Variants in HMCN1 observed in about 807,000 individuals in gnomAD.
HMCN1 encodes hemicentin-1.
In HMCN1, 321 loss-of-function variants were observed where a neutral mutation model predicts 625.9. The observed-to-expected ratio is 0.51, with a 90% CI of 0.47 to 0.56. The LOEUF is 0.56. Ranked by LOEUF, HMCN1 falls within the 20% of genes least tolerant of loss-of-function variation. The probability of loss-of-function intolerance (pLI) is 0.00; values close to 1 mark genes in which losing one functional copy is unlikely to be tolerated. For synonymous variants in HMCN1, 2,425 were observed against 2,417.6 expected, an observed-to-expected ratio of 1.00 and a Z score of -0.09; for missense variants, 6,588 against 6,887.3, an observed-to-expected ratio of 0.96 and a Z score of 1.54.
intron 6 of HMCN1, among the ~76,000 whole-genome samples, chr1:185,916,319 T>A (rs377622878): frequency 6.6e-6 from 1 of 152,170 alleles, no homozygotes; most frequent in South Asian, 2.1e-4. Context: ...CGACATCTAT[T>A]TGAATTCAAG....
rs767886331 is a variant in HMCN1, at chr1:186,174,557, C to A, written c.15858C>A (p.Asn5286Lys). The change falls in exon 103 of 107, where the codon AAC becomes AAA. Residue 5286 changes from asparagine to lysine, a missense_variant. By Grantham distance (94) the Asn-to-Lys change is moderately conservative. Around this residue, in one of 3 missense-constraint regions of HMCN1, gnomAD observed 1,954 missense variants for 2,013.1 expected, o/e 0.97. Coordinates refer to ENST00000271588, the MANE Select transcript of HMCN1 (RefSeq NM_031935.3). Reference sequence around the variant, plus strand: ...ATGGGACCCATCAGTGCAGATATAACCAGATATGTGAGAATACAAGAGGCA... The same window carrying A: ...ATGGGACCCATCAGTGCAGATATAAACAGATATGTGAGAATACAAGAGGCA... ...CKDGTHQCRY[N>K]QICENTRGSY... is the part of the protein sequence containing the mutation. The A allele has an allele frequency of 6.2e-7, 1 of 1,613,436 alleles. No homozygotes were observed. Among genetic ancestry groups the A allele is most frequent in the Admixed American group, 1.7e-5 (1 of 60,002 alleles).
intron 1 of HMCN1, among the ~76,000 whole-genome samples, chr1:185,759,236 A>G (rs1170923138): frequency 6.6e-6 from 1 of 152,232 alleles, no homozygotes; most frequent in African/African-American, 2.4e-5. Flanking sequence ...TATATCAGTA[A>G]TATGAGTACA....
At chr1:186,144,066 T>C in intron 89 of HMCN1, 107 bp from the exon 90 acceptor site, 1 of 934,710 alleles carries the variant, frequency 1.1e-6, no homozygotes, top group South Asian at 1.8e-5. Context: ...TCAATTCTCT[T>C]AGATTGGGGA....
intron 11 of HMCN1, among the ~76,000 whole-genome samples, chr1:185,944,689 T>A (rs547934907): frequency 1.6e-4 from 25 of 152,324 alleles, no homozygotes; most frequent in Non-Finnish European, 2.6e-4. Context: ...GAGAGGGAGC[T>A]GTAAATATGC....
At chr1:185,943,672 A>G (rs1668194178) in intron 11 of HMCN1, among the ~76,000 whole-genome samples, 1 of 152,160 alleles carries the variant, frequency 6.6e-6, no homozygotes, top group African/African-American at 2.4e-5. Flanking sequence ...TCTGAAGCCC[A>G]TAGTTTAGTG....
At chr1:185,746,963 C>T (rs981766520) in intron 1 of HMCN1, among the ~76,000 whole-genome samples, 1 of 152,264 alleles carries the variant, frequency 6.6e-6, no homozygotes, top group Admixed American at 6.5e-5. Flanking sequence ...CCACGATACT[C>T]CAATGTGGTC....
At chr1:185,754,451 A>G (rs1267725869) in intron 1 of HMCN1, among the ~76,000 whole-genome samples, 3 of 152,022 alleles carry the variant, frequency 2.0e-5, no homozygotes, top group Admixed American at 2.0e-4. Flanking sequence ...TTCCAAACAT[A>G]TACGTATTTT....
chr1:186,151,824 A>G, intron 95 of HMCN1, 81 bp downstream of exon 95: 1 of 1,405,916 alleles, frequency 7.1e-7, no homozygotes, highest in Non-Finnish European at 1.0e-6. Context: ...ACGTGTTCCC[A>G]CATAGAATAA....
chr1:185,783,454 GT>G (rs1183464465), intron 1 of HMCN1, among the ~76,000 whole-genome samples: 3 of 149,400 alleles, frequency 2.0e-5, no homozygotes, highest in Non-Finnish European at 2.9e-5. Flanking sequence ...TTTCTGCTCT[GT>G]TTTTTCCCCC....
At chr1:185,780,464 G>A (rs564284976) in intron 1 of HMCN1, among the ~76,000 whole-genome samples, 5 of 152,260 alleles carry the variant, frequency 3.3e-5, no homozygotes, top group South Asian at 4.1e-4. Context: ...TGCCCATTCA[G>A]TATGATATTG....
chr1:186,170,750 G>A (rs1474968631), intron 100 of HMCN1, among the ~76,000 whole-genome samples: 4 of 152,092 alleles, frequency 2.6e-5, no homozygotes, highest in African/African-American at 9.7e-5. Flanking sequence ...AGGAAAGAAG[G>A]TACACAAACC....
At chr1:186,033,338 A>G (rs971971951) in intron 36 of HMCN1, among the ~76,000 whole-genome samples, 4 of 152,182 alleles carry the variant, frequency 2.6e-5, no homozygotes, top group Admixed American at 6.6e-5. Flanking sequence ...CATATTGGGT[A>G]CAGCATATAC....
At chr1:186,096,970 A>C (rs1361973195) in intron 68 of HMCN1, among the ~76,000 whole-genome samples, 1 of 152,174 alleles carries the variant, frequency 6.6e-6, no homozygotes. Context: ...CCTTTCCTAC[A>C]AGGTCTAGCA....
At chr1:186,006,460 C>T (rs1021487810) in intron 29 of HMCN1, among the ~76,000 whole-genome samples, 7 of 152,106 alleles carry the variant, frequency 4.6e-5, no homozygotes, top group African/African-American at 9.6e-5. Context: ...AAACTGCTGC[C>T]AATTACATAA....
At chr1:186,180,508 T>C (rs574319436) in intron 104 of HMCN1, among the ~76,000 whole-genome samples, 1 of 152,300 alleles carries the variant, frequency 6.6e-6, no homozygotes, top group South Asian at 2.1e-4. Context: ...TATCAGAAGG[T>C]CCAAGTTATT....
chr1:185,768,222 G>A (rs1040713655), intron 1 of HMCN1, among the ~76,000 whole-genome samples: 2 of 152,176 alleles, frequency 1.3e-5, no homozygotes, highest in Non-Finnish European at 2.9e-5. Context: ...GGGCCAGGAT[G>A]ACTCTCATAG....
intron 1 of HMCN1, among the ~76,000 whole-genome samples, chr1:185,817,901 T>C (rs1659940364): frequency 6.6e-6 from 1 of 152,184 alleles, no homozygotes; most frequent in Non-Finnish European, 1.5e-5. Flanking sequence ...TAAATACTTT[T>C]AGTCCTTTAC....
chr1:185,993,428 T>A lies in HMCN1; in HGVS notation c.3505+119T>A. Reference sequence around the variant, plus strand: ...TATATAGAGTGATTAAAGAAAAAAATTCTCTAAAATCTGAGACTTGTGATT... The same window carrying A: ...TATATAGAGTGATTAAAGAAAAAAAATCTCTAAAATCTGAGACTTGTGATT... On this transcript the variant is annotated intron_variant, in intron 23 of 106. Coordinates refer to ENST00000271588, the MANE Select transcript of HMCN1 (RefSeq NM_031935.3). The A allele has an allele frequency of 4.5e-6, 5 of 1,116,808 alleles. No individual in the cohort carries two copies. In the South Asian group the frequency reaches 6.9e-5, roughly 15 times the overall value. The allele number at this position is 1,116,808 out of a possible 1,614,324, so 69.2% of individuals were successfully genotyped here.
intron 9 of HMCN1, among the ~76,000 whole-genome samples, chr1:185,926,522 A>C (rs1219042739): frequency 2.0e-5 from 3 of 152,234 alleles, no homozygotes; most frequent in African/African-American, 7.2e-5. Flanking sequence ...TCAAAGACAC[A>C]TGAGATTCTT....
Sources: gnomAD v4.1 joint callset for allele counts (sites outside exome capture counted in the v4.1 genomes callset) on GRCh38, gnomAD v4.1.1 for gene constraint, gnomAD v4.1.1 regional missense constraint, MANE v1.5 for transcripts, NCBI Gene and HGNC (gene_info 2026-07-23, HGNC 2026-07-21) for gene names.